The following ZFYVE9 variants were observed in gnomAD, a reference collection of about 807,000 sequenced individuals.
ZFYVE9 encodes zinc finger FYVE-type containing 9.
Under a neutral mutation model 126.7 loss-of-function variants are expected in ZFYVE9, and 43 were observed. The observed-to-expected ratio is 0.34, with a 90% CI of 0.27 to 0.44. ZFYVE9 has a LOEUF of 0.44. Among genes scored for constraint, ZFYVE9 ranks in the 20% least tolerant of loss-of-function variants. The probability of loss-of-function intolerance (pLI) is 1.00; values close to 1 mark genes in which losing one functional copy is unlikely to be tolerated. For missense variants in ZFYVE9, 1,476 were observed against 1,697.0 expected, an observed-to-expected ratio of 0.87 and a Z score of 2.29; for synonymous variants, 521 against 597.4, an observed-to-expected ratio of 0.87 and a Z score of 1.87.
rs1296599588 is a variant in ZFYVE9, at chr1:52,338,403, G to A, written c.3833+469G>A. Among the ~76,000 whole-genome samples the A allele has an allele frequency of 2.0e-5, 3 of 152,164 alleles. No homozygotes were observed. The East Asian group carries it at 5.8e-4, about 29-fold the overall frequency. On this transcript the variant is annotated intron_variant, in intron 16 of 18. Transcript: ENST00000287727. ...GCTTCAAACTCTGTATTCTTTCTCA[G>A]TGTTCGGCAACTCTATTCTAATGGT...
At chr1:52,235,571 G>A (rs932531870) in intron 3 of ZFYVE9, among the ~76,000 whole-genome samples, 2 of 151,906 alleles carry the variant, frequency 1.3e-5, no homozygotes, top group African/African-American at 4.8e-5. Context: ...ACATTTCAGA[G>A]GATACTAAGC....
At chr1:52,301,748 T>C (rs1433261624) in intron 12 of ZFYVE9, among the ~76,000 whole-genome samples, 3 of 152,258 alleles carry the variant, frequency 2.0e-5, no homozygotes, top group Non-Finnish European at 2.9e-5. Context: ...TCATCTGATA[T>C]TTTTTCTGTT....
At chr1:52,243,122 G>A (rs2124636531) in intron 4 of ZFYVE9, among the ~76,000 whole-genome samples, 1 of 152,320 alleles carries the variant, frequency 6.6e-6, no homozygotes, top group Non-Finnish European at 1.5e-5. Flanking sequence ...GTGAGTAAAT[G>A]AGTCTCAGAT....
chr1:52,154,079 T>G (rs575602556), intron 1 of ZFYVE9, among the ~76,000 whole-genome samples: 5 of 152,256 alleles, frequency 3.3e-5, no homozygotes, highest in Admixed American at 6.5e-5. Flanking sequence ...GTTATGGGCC[T>G]ACTGCCACAA....
intron 13 of ZFYVE9, among the ~76,000 whole-genome samples, chr1:52,330,627 A>C (rs1046124583): frequency 5.3e-5 from 8 of 152,158 alleles, no homozygotes; most frequent in Admixed American, 4.6e-4. Flanking sequence ...ATTAGTGATA[A>C]TGAGCAGTGA....
Position 52,233,223 on chromosome 1 carries a change from A to C in ZFYVE9, c.17A>C (p.Gln6Pro). The C allele has an allele frequency of 6.3e-7, 1 of 1,582,972 alleles. No individual in the cohort carries two copies. The highest frequency in any genetic ancestry group is 1.7e-5 in the Admixed American group (1 of 58,652). Residue 6 changes from glutamine to proline, a missense_variant, in exon 3 of 19, where the codon CAA (glutamine) becomes CCA (proline). Physicochemically the swap from Gln to Pro is moderately conservative, Grantham distance 76. Coordinates refer to ENST00000287727, the MANE Select transcript of ZFYVE9 (RefSeq NM_004799.4). Reference protein sequence around the residue: MENYFQAEAYNLDKVL... With the variant: MENYFPAEAYNLDKVL... Reference sequence around the variant, plus strand: ...TCCTCACCGATGGAGAATTACTTCCAAGCAGAAGCTTACAACCTGGACAAG... The same window carrying C: ...TCCTCACCGATGGAGAATTACTTCCCAGCAGAAGCTTACAACCTGGACAAG...
intron 10 of ZFYVE9, among the ~76,000 whole-genome samples, chr1:52,286,824 C>G (rs1645866360): frequency 6.6e-6 from 1 of 152,142 alleles, no homozygotes; most frequent in Admixed American, 6.5e-5. Context: ...TTTTTAGTCT[C>G]ATCTCCTGCT....
intron 1 of ZFYVE9, among the ~76,000 whole-genome samples, chr1:52,176,945 C>T (rs1332086163): frequency 4.6e-5 from 7 of 152,142 alleles, no homozygotes; most frequent in South Asian, 2.1e-4. Context: ...TTGCGCTTCC[C>T]GAGTGAGGCA....
At chr1:52,296,436 G>A (rs540301930) in intron 12 of ZFYVE9, among the ~76,000 whole-genome samples, 1 of 152,182 alleles carries the variant, frequency 6.6e-6, no homozygotes, top group East Asian at 1.9e-4. Context: ...CCCCAAGCCA[G>A]TAAGGCTACT....
intron 8 of ZFYVE9, among the ~76,000 whole-genome samples, chr1:52,278,054 G>A (rs962773453): frequency 6.6e-6 from 1 of 152,118 alleles, no homozygotes; most frequent in Non-Finnish European, 1.5e-5. Flanking sequence ...TAGAGTAAAA[G>A]GTAGGGCTCT....
At chr1:52,336,388 A>G (rs76649933) in intron 15 of ZFYVE9, among the ~76,000 whole-genome samples, 1 of 71,694 alleles carries the variant, frequency 1.4e-5, no homozygotes, top group Non-Finnish European at 2.8e-5. Context: ...TTTTTTTTTT[A>G]AGATGGAGGC....
intron 9 of ZFYVE9, among the ~76,000 whole-genome samples, chr1:52,280,626 T>C (rs570080379): frequency 6.6e-6 from 1 of 152,308 alleles, no homozygotes; most frequent in African/African-American, 2.4e-5. Flanking sequence ...AACATTGTTT[T>C]TGACTACATA....
At chr1:52,295,866 T>G in intron 11 of ZFYVE9, 29 bp from the exon 12 acceptor site, 1 of 1,585,212 alleles carries the variant, frequency 6.3e-7, no homozygotes, top group South Asian at 1.2e-5. Flanking sequence ...GTTGCCAAAT[T>G]TAAGTTTGAT....
chr1:52,319,999 G>A (rs566176889), intron 13 of ZFYVE9, among the ~76,000 whole-genome samples: 1 of 132,228 alleles, frequency 7.6e-6, no homozygotes, highest in Admixed American at 8.0e-5. Context: ...GTGACAGAGA[G>A]GGGGAGATTC....
chr1:52,235,479 T>C (rs1441154817), intron 3 of ZFYVE9, among the ~76,000 whole-genome samples: 1 of 152,150 alleles, frequency 6.6e-6, no homozygotes, highest in Non-Finnish European at 1.5e-5. Flanking sequence ...ATATGACTTA[T>C]TTGCTTTTTT....
chr1:52,155,675 C>T (rs933815195), intron 1 of ZFYVE9, among the ~76,000 whole-genome samples: 4 of 152,236 alleles, frequency 2.6e-5, no homozygotes, highest in Admixed American at 2.6e-4. Flanking sequence ...GCTTGCACTA[C>T]AGCCTGGACT....
At position 52,239,463 on chromosome 1, in the gene ZFYVE9, C is replaced by T. The variant is rs142234365; in HGVS notation, c.2046C>T (p.Ala682=). ...DLRAGQFGIS[A]RKPFTTLGEV... ...GAGCTGGTCAGTTTGGAATTTCTGC[C>T]AGAAAGCCATTCACCACTCTGGGTG... The change falls in exon 4 of 19, where the codon GCC becomes GCT. Residue 682 remains alanine, a synonymous_variant. Coordinates refer to ENST00000287727, the MANE Select transcript of ZFYVE9 (RefSeq NM_004799.4). 1.2e-6 allele frequency: 2 copies of T among 1,614,002 alleles called. 1 individual carries two copies. The highest frequency in any genetic ancestry group is 2.7e-5 in the African/African-American group (2 of 74,922).
intron 10 of ZFYVE9, among the ~76,000 whole-genome samples, chr1:52,291,703 C>A (rs898408205): frequency 7.9e-5 from 12 of 151,512 alleles, no homozygotes; most frequent in Non-Finnish European, 1.5e-5. Context: ...TATGGTAAAA[C>A]CACATCTCTA....
At chr1:52,193,412 AAAG>A (rs1297736582) in intron 1 of ZFYVE9, among the ~76,000 whole-genome samples, 1 of 151,112 alleles carries the variant, frequency 6.6e-6, no homozygotes, top group Non-Finnish European at 1.5e-5. Flanking sequence ...AAAAAAAAAA[AAAG>A]GATACACATG....
Sources: allele counts gnomAD v4.1 joint callset (sites outside exome capture counted in the v4.1 genomes callset), GRCh38; gene constraint gnomAD v4.1.1; transcripts MANE v1.5; gene names NCBI Gene and HGNC (gene_info 2026-07-23, HGNC 2026-07-21).